The following ZNF217 variants were observed in gnomAD, a reference collection of about 807,000 sequenced individuals.
ZNF217 encodes the protein zinc finger protein 217.
ZNF217 carries 12 observed loss-of-function variants against 73.3 expected under a neutral mutation model. The ratio of observed to expected loss-of-function variants is 0.16; its 90% CI spans 0.10 to 0.27. The LOEUF (loss-of-function observed/expected upper bound fraction) is 0.27. ZNF217 is among the 10% of genes least tolerant of loss of function. ZNF217 has a pLI of 1.00. For missense variants in ZNF217, 1,195 were observed against 1,327.8 expected, an observed-to-expected ratio of 0.90 and a Z score of 1.55; for synonymous variants, 588 against 516.4, an observed-to-expected ratio of 1.14 and a Z score of -1.88.
intron 1 of ZNF217, among the ~76,000 whole-genome samples, chr20:53,591,941 T>C (rs992639468): frequency 1.3e-5 from 2 of 152,238 alleles, no homozygotes; most frequent in African/African-American, 2.4e-5. Flanking sequence ...TCTTGACATA[T>C]ACAAAAGAGA....
At chr20:53,597,320 G>A (rs1989059545), upstream of ZNF217, among the ~76,000 whole-genome samples, 3 of 152,118 alleles carry the variant, frequency 2.0e-5, no homozygotes, top group South Asian at 6.2e-4. Context: ...AGAATTCAGT[G>A]TTCAGAGCAG....
chr20:53,569,398 T>C, intron 5 of ZNF217, 134 bp from the exon 6 acceptor site: 1 of 655,574 alleles, frequency 1.5e-6, no homozygotes, highest in Non-Finnish European at 2.1e-6. Flanking sequence ...GTTGTTGTTG[T>C]TTTTGAGACA....
chr20:53,582,847 G>T lies in ZNF217; in HGVS notation c.-21C>A. On this transcript the variant is annotated 5_prime_UTR_variant, in exon 2 of 6. Transcript: ENST00000371471. The surrounding 1 kb of genome is among the most constrained non-coding windows in gnomAD (Gnocchi z 4.8). ...TGCATATAATCTCAAAGTTCCGTTG[G>T]GCAATTTCTGGAGTTGGAATAAGGC... The T allele has an allele frequency of 6.4e-7, 1 of 1,567,856 alleles. No homozygotes were observed. The highest frequency in any genetic ancestry group is 1.2e-5 in the South Asian group (1 of 83,386).
chr20:53,578,593 G>A, intron 2 of ZNF217, 143 bp from the exon 3 acceptor site: 3 of 555,598 alleles, frequency 5.4e-6, no homozygotes, highest in Non-Finnish European at 9.6e-6. Flanking sequence ...GAACAAAACG[G>A]CTAGACACAC....
At chr20:53,574,794 CAA>C (rs71194500) in intron 4 of ZNF217, 9 of 105,426 alleles carry the variant, frequency 8.5e-5, no homozygotes, top group African/African-American at 4.5e-5. Flanking sequence ...AACTCCGTCT[CAA>C]AAAAAAAAAA....
chr20:53,582,578 A>G lies in ZNF217; in HGVS notation c.249T>C (p.His83=). ...GGGTAGGCCGGTGTTGCATTAAGACATGTTTATTAAGGTCTTCTGAATGTG... is the reference window on the plus strand; with the variant it reads ...GGGTAGGCCGGTGTTGCATTAAGACGTGTTTATTAAGGTCTTCTGAATGTG... ...TFTHSEDLNK[H]VLMQHRPTLC... is the part of the protein sequence containing the mutation. Residue 83 remains histidine (H), a synonymous_variant, in exon 2 of 6, where the codon CAT becomes CAC. Transcript: ENST00000371471. This position sits in a 1 kb window ranked among gnomAD's most constrained non-coding sequence, Gnocchi z 4.8. 2.5e-6 allele frequency: 4 copies of G among 1,614,168 alleles called. No individual in the cohort carries two copies. The highest frequency in any genetic ancestry group is 3.4e-6 in the Non-Finnish European group (4 of 1,180,030).
chr20:53,569,176 G>T lies in ZNF217; in HGVS notation c.*112C>A. ...ATGTTTTATGTACAGTACAATCACAGCTTATTTCAGTAGCTTTCACCATTC... is the reference window on the plus strand; with the variant it reads ...ATGTTTTATGTACAGTACAATCACATCTTATTTCAGTAGCTTTCACCATTC... On this transcript the variant is annotated 3_prime_UTR_variant, in exon 6 of 6. Coordinates refer to ENST00000371471, the MANE Select transcript of ZNF217 (RefSeq NM_006526.3). The T allele has an allele frequency of 7.4e-7, 1 of 1,347,292 alleles. No homozygotes were observed. Among genetic ancestry groups the T allele is most frequent in the Non-Finnish European group, 9.9e-7 (1 of 1,011,826 alleles). 83.5% of individuals were successfully genotyped at this position (1,347,292 alleles called of 1,614,324 possible).
At chr20:53,590,306 AC>A (rs1988834137) in intron 1 of ZNF217, among the ~76,000 whole-genome samples, 2 of 152,352 alleles carry the variant, frequency 1.3e-5, no homozygotes, top group Admixed American at 1.3e-4. Context: ...CAGGGATTAA[AC>A]TGAAATGGGA....
chr20:53,577,621 G>C lies in ZNF217; in HGVS notation c.1484-341C>G, dbSNP rs113150032. On this transcript the variant is annotated intron_variant, in intron 3 of 5. Transcript: ENST00000371471. ...AAGGGTGCACAGATAGTAAGTGGAA[G>C]AGATGAAATTTCAAATCTACGCAGC... 3.9e-3 allele frequency among the ~76,000 whole-genome samples: 588 copies of C among 152,338 alleles called. 3 individuals carry two copies. The highest frequency in any genetic ancestry group is 0.01 in the Middle Eastern group (3 of 294).
At chr20:53,588,390 G>A (rs1412416831) in intron 1 of ZNF217, among the ~76,000 whole-genome samples, 1 of 151,832 alleles carries the variant, frequency 6.6e-6, no homozygotes, top group Non-Finnish European at 1.5e-5. Context: ...CTTTAATTAA[G>A]CAAGATTAAG....
rs974637677 is a variant in ZNF217 at position 53,587,723 on chromosome 20, C to A, written c.-342-4555G>T. Among the ~76,000 whole-genome samples the A allele has an allele frequency of 1.8e-4, 27 of 149,870 alleles. 1 individual carries two copies. Among genetic ancestry groups the A allele is most frequent in the African/African-American group, 5.2e-4 (21 of 40,458 alleles). ...CTATTCTCTGGCCAATGCATTTGTA[C>A]CCTGAAAACTACAAAATTATCTCCA... On this transcript the variant is annotated intron_variant, in intron 1 of 5. Transcript: ENST00000371471.
In ZNF217 at chr20:53,576,017, A is replaced by G. The variant is rs1351210250; in HGVS notation, c.2747T>C (p.Leu916Pro). 1 of 1,614,182 alleles carries G rather than the reference A, an allele frequency of 6.2e-7. No homozygotes were observed. ...SNTAAEFGEP[L>P]PKRLKSSVVA... is the part of the protein sequence containing the mutation. ...CACGCTGGACTTCAGTCTTTTTGGA[A>G]GGGGCTCACCAAATTCTGCTGCAGT... Residue 916 changes from leucine to proline, a missense_variant, in exon 4 of 6, where the codon CTT becomes CCT. By Grantham distance (98) the Leu-to-Pro change is moderately conservative (BLOSUM62 -3). Around this residue, in one of 9 missense-constraint regions of ZNF217, gnomAD observed 649 missense variants for 642.8 expected, o/e 1.01. Coordinates refer to ENST00000371471, the MANE Select transcript of ZNF217 (RefSeq NM_006526.3).
chr20:53,586,153 T>C lies in ZNF217; in HGVS notation c.-342-2985A>G, dbSNP rs181939471. 6.4e-3 allele frequency among the ~76,000 whole-genome samples: 972 copies of C among 152,228 alleles called. 9 individuals carry two copies. Among genetic ancestry groups the C allele is most frequent in the African/African-American group, 0.022 (904 of 41,546 alleles). On this transcript the variant is annotated intron_variant, in intron 1 of 5. Transcript: ENST00000371471. Reference sequence around the variant, plus strand: ...AAGTAACACCTCAGGATGGAGACTGTTGCCTTGTCCACTGCTGCCCCCAAT... The same window carrying C: ...AAGTAACACCTCAGGATGGAGACTGCTGCCTTGTCCACTGCTGCCCCCAAT...
At chr20:53,584,032 C>A (rs34807939) in intron 1 of ZNF217, among the ~76,000 whole-genome samples, 1 of 152,214 alleles carries the variant, frequency 6.6e-6, no homozygotes, top group Non-Finnish European at 1.5e-5. Context: ...TGGGCCCTCT[C>A]ATTTTTTTAA....
intron 1 of ZNF217, among the ~76,000 whole-genome samples, chr20:53,588,621 T>C (rs202133884): frequency 0.42 from 48,410 of 114,820 alleles, 9,010 homozygotes; most frequent in East Asian, 0.52. Context: ...TATATATATA[T>C]ATATACACAC....
Position 53,582,858 on chromosome 20 carries a change from G to C in ZNF217, c.-32C>G. 3 of 1,563,468 alleles carry C rather than the reference G, an allele frequency of 1.9e-6. No homozygotes were observed. The highest frequency in any genetic ancestry group is 1.7e-6 in the Non-Finnish European group (2 of 1,153,208). ...TCAAAGTTCCGTTGGGCAATTTCTG[G>C]AGTTGGAATAAGGCCACTTGTAAGA... On this transcript the variant is annotated 5_prime_UTR_variant, in exon 2 of 6. Coordinates refer to ENST00000371471, the MANE Select transcript of ZNF217 (RefSeq NM_006526.3). This position sits in a 1 kb window ranked among gnomAD's most constrained non-coding sequence, Gnocchi z 4.8.
At chr20:53,593,713 C>T (rs1288002052) in intron 1 of ZNF217, 43 bp downstream of exon 1, 3 of 150,946 alleles carry the variant, frequency 2.0e-5, no homozygotes, top group Non-Finnish European at 4.4e-5. Context: ...CAGGACCGGG[C>T]GGGCGCCCCG....
rs977473367 is a variant in ZNF217, at chr20:53,569,254, T to A, written c.*34A>T. 1.5e-6 allele frequency: 2 copies of A among 1,343,818 alleles called. No individual in the cohort carries two copies. Among genetic ancestry groups the A allele is most frequent in the Non-Finnish European group, 2.0e-6 (2 of 1,012,206 alleles). 83.2% of individuals were successfully genotyped at this position (1,343,818 alleles called of 1,614,324 possible). A position where few individuals can be genotyped will look rare whatever the true frequency, so the allele number is the denominator to read the frequency against. ...ATTTCATGGGGAGTAAGCACTGACA[T>A]CCACCAAGACCTAAGGAAAACAACA... On this transcript the variant is annotated 3_prime_UTR_variant, in exon 6 of 6. Transcript: ENST00000371471.
chr20:53,595,851 T>C (rs1989032662), upstream of ZNF217, among the ~76,000 whole-genome samples: 1 of 152,234 alleles, frequency 6.6e-6, no homozygotes, highest in South Asian at 2.1e-4. Flanking sequence ...CAAATGACTA[T>C]GAGCCTTGCT....
Sources: gnomAD v4.1 joint callset for allele counts (sites outside exome capture counted in the v4.1 genomes callset) on GRCh38, gnomAD v4.1.1 for gene constraint, gnomAD v4.1.1 regional missense constraint, Gnocchi (gnomAD v3.1) non-coding constraint, MANE v1.5 for transcripts, NCBI Gene and HGNC (gene_info 2026-07-23, HGNC 2026-07-21) for gene names.